The following TTC23 variants were observed in gnomAD, a reference collection of about 807,000 sequenced individuals.
TTC23 encodes tetratricopeptide repeat protein 23.
A neutral mutation model predicts 55.1 loss-of-function variants in TTC23; 58 were observed. The observed-to-expected ratio is 1.05, with a 90% CI of 0.85 to 1.31. The LOEUF is 1.31. Ranked by LOEUF, TTC23 falls within the 50% of genes most tolerant of loss-of-function variation. The probability of loss-of-function intolerance (pLI) is 0.00; values close to 1 mark genes in which losing one functional copy is unlikely to be tolerated. For missense variants in TTC23, 516 were observed against 534.4 expected, an observed-to-expected ratio of 0.97 and a Z score of 0.34; for synonymous variants, 203 against 199.9, an observed-to-expected ratio of 1.02 and a Z score of -0.13.
intron 8 of TTC23, among the ~76,000 whole-genome samples, chr15:99,217,455 C>T (rs1385288726): frequency 6.6e-6 from 1 of 152,094 alleles, no homozygotes; most frequent in Non-Finnish European, 1.5e-5. Flanking sequence ...CTGTGCCCGG[C>T]CAAATTTATA....
At chr15:99,163,797 T>C (rs776665440) in intron 10 of TTC23, among the ~76,000 whole-genome samples, 14 of 152,310 alleles carry the variant, frequency 9.2e-5, no homozygotes, top group African/African-American at 2.9e-4. Flanking sequence ...AGTGAAAAGA[T>C]AGCTGTCTAT....
chr15:99,139,165 G>C, intron 13 of TTC23, 152 bp downstream of exon 13: 1 of 906,708 alleles, frequency 1.1e-6, no homozygotes, highest in Non-Finnish European at 1.7e-6. Flanking sequence ...TTACAACTCG[G>C]GTTTCAAAGG....
In TTC23 at chr15:99,156,187, C is replaced by A; in HGVS notation, c.1104G>T (p.Ala368=). The A allele has an allele frequency of 6.2e-7, 1 of 1,614,236 alleles. No individual in the cohort carries two copies. Among genetic ancestry groups the A allele is most frequent in the South Asian group, 1.1e-5 (1 of 91,086 alleles). The change falls in exon 12 of 14, where the codon GCG becomes GCT. Residue 368 remains alanine (A), a synonymous_variant. Coordinates refer to ENST00000394132, the MANE Select transcript of TTC23 (RefSeq NM_001288615.3). ...TYRLLGGADL[A]QGNHSGARKK... Reference sequence around the variant, plus strand: ...TGCGGGCCCCACTGTGGTTCCCCTGCGCCAGGTCTGCTCCTCCCAGGAGCC... The same window carrying A: ...TGCGGGCCCCACTGTGGTTCCCCTGAGCCAGGTCTGCTCCTCCCAGGAGCC...
At chr15:99,158,514 A>T (rs2070923758) in intron 11 of TTC23, 1 of 152,326 alleles carries the variant, frequency 6.6e-6, no homozygotes, top group Non-Finnish European at 1.5e-5. Flanking sequence ...AAGAGGACTT[A>T]GGTGGGATGA....
intron 5 of TTC23, among the ~76,000 whole-genome samples, chr15:99,223,697 A>T (rs1208929238): frequency 6.6e-6 from 1 of 152,232 alleles, no homozygotes; most frequent in Non-Finnish European, 1.5e-5. Flanking sequence ...AAGGCCTGAT[A>T]GTTTGAGTGA....
intron 4 of TTC23, among the ~76,000 whole-genome samples, chr15:99,233,529 GATCTAAT>G (rs1015117478): frequency 1.9e-4 from 29 of 152,118 alleles, no homozygotes; most frequent in African/African-American, 6.0e-4. Flanking sequence ...CACTTGACAA[GATCTAAT>G]ATCTAATATC....
At chr15:99,202,651 A>G (rs1299679552) in intron 8 of TTC23, among the ~76,000 whole-genome samples, 2 of 152,248 alleles carry the variant, frequency 1.3e-5, no homozygotes, top group Admixed American at 6.5e-5. Context: ...AAAGCACAGC[A>G]TATCATCCCA....
chr15:99,245,739 A>G (rs1195321615), intron 1 of TTC23, among the ~76,000 whole-genome samples: 1 of 152,188 alleles, frequency 6.6e-6, no homozygotes, highest in Admixed American at 6.5e-5. Flanking sequence ...TACAAAAATT[A>G]ACTCCAAATG....
intron 3 of TTC23, among the ~76,000 whole-genome samples, chr15:99,237,267 C>A (rs2079400066): frequency 6.6e-6 from 1 of 152,112 alleles, no homozygotes; most frequent in Non-Finnish European, 1.5e-5. Flanking sequence ...CAGGCATGAG[C>A]CACCATGCCC....
At chr15:99,173,999 C>A (rs970253702) in intron 10 of TTC23, among the ~76,000 whole-genome samples, 6 of 152,190 alleles carry the variant, frequency 3.9e-5, no homozygotes, top group African/African-American at 1.4e-4. Context: ...TAGGCACCAA[C>A]AAGCAAACCT....
chr15:99,146,371 G>T (rs1235989480), intron 12 of TTC23, among the ~76,000 whole-genome samples: 1 of 152,208 alleles, frequency 6.6e-6, no homozygotes. Context: ...GCAGCTCAGC[G>T]ATCTGGTTTA....
chr15:99,144,058 C>T (rs1156250931), intron 12 of TTC23, among the ~76,000 whole-genome samples: 1 of 152,184 alleles, frequency 6.6e-6, no homozygotes, highest in Non-Finnish European at 1.5e-5. Context: ...CAGCCTTCAA[C>T]AGGAGAAAGA....
chr15:99,203,041 T>C (rs1202882932), intron 8 of TTC23, among the ~76,000 whole-genome samples: 1 of 152,200 alleles, frequency 6.6e-6, no homozygotes, highest in African/African-American at 2.4e-5. Context: ...TGTTCCCATG[T>C]TGAAATGGGC....
At chr15:99,171,748 G>T (rs1252783062) in intron 10 of TTC23, among the ~76,000 whole-genome samples, 1 of 151,446 alleles carries the variant, frequency 6.6e-6, no homozygotes, top group Non-Finnish European at 1.5e-5. Flanking sequence ...ATTTTTAGTA[G>T]AGATGGGGTT....
chr15:99,217,076 C>A (rs1173484938), intron 8 of TTC23, among the ~76,000 whole-genome samples: 1 of 152,000 alleles, frequency 6.6e-6, no homozygotes, highest in Non-Finnish European at 1.5e-5. Flanking sequence ...AAAATCCAGG[C>A]AACAACCAAA....
intron 8 of TTC23, among the ~76,000 whole-genome samples, chr15:99,201,570 G>T (rs2076203268): frequency 6.6e-6 from 1 of 152,172 alleles, no homozygotes; most frequent in Non-Finnish European, 1.5e-5. Flanking sequence ...ATACTTTTCG[G>T]ATCTGTGGTC....
chr15:99,206,207 T>C (rs1448172371), intron 8 of TTC23, among the ~76,000 whole-genome samples: 1 of 152,166 alleles, frequency 6.6e-6, no homozygotes, highest in Non-Finnish European at 1.5e-5. Flanking sequence ...CTTTTTAATG[T>C]GTAGTTGAAT....
chr15:99,224,557 T>C (rs1360949479), intron 5 of TTC23, among the ~76,000 whole-genome samples: 2 of 152,220 alleles, frequency 1.3e-5, no homozygotes, highest in East Asian at 1.9e-4. Flanking sequence ...ATTTAGCTGT[T>C]TGTAAATTTC....
At position 99,198,593 on chromosome 15, in the gene TTC23, G is replaced by A. The variant is rs1372041168; in HGVS notation, c.759+1326C>T. On this transcript the variant is annotated intron_variant, in intron 9 of 13. Coordinates refer to ENST00000394132, the MANE Select transcript of TTC23 (RefSeq NM_001288615.3). ...TCCAGAACAATCTTTCTTAAGTATT[G>A]GTTTTGAATGTGAGCATGCCATTTA... Among the ~76,000 whole-genome samples, 4 of 152,092 alleles carry A rather than the reference G, an allele frequency of 2.6e-5. No individual in the cohort carries two copies. In the South Asian group the frequency reaches 6.2e-4, roughly 24 times the overall value.
Sources: allele counts gnomAD v4.1 joint callset (sites outside exome capture counted in the v4.1 genomes callset), GRCh38; gene constraint gnomAD v4.1.1; transcripts MANE v1.5; gene names NCBI Gene and HGNC (gene_info 2026-07-23, HGNC 2026-07-21).